Variants in SOS2 observed in about 807,000 individuals in gnomAD.
SOS2 encodes SOS Ras/Rho guanine nucleotide exchange factor 2.
Under a neutral mutation model 148.2 loss-of-function variants are expected in SOS2, and 65 were observed. The observed-to-expected ratio is 0.44, with a 90% CI of 0.36 to 0.54. The LOEUF (loss-of-function observed/expected upper bound fraction) is 0.54, where lower values mean the gene tolerates loss of function less well. Ranked by LOEUF, SOS2 falls within the 20% of genes least tolerant of loss-of-function variation. The pLI is 0.00. For synonymous variants in SOS2, 539 were observed against 537.1 expected (o/e 1.00, Z -0.05); for missense variants, 1,341 against 1,590.2 (o/e 0.84, Z 2.67).
chr14:50,198,798 T>C (rs1886392867), intron 4 of SOS2, among the ~76,000 whole-genome samples: 1 of 152,250 alleles, frequency 6.6e-6, no homozygotes, highest in Non-Finnish European at 1.5e-5. Flanking sequence ...TGTAATTATC[T>C]GTTTATAATA....
At chr14:50,201,123 A>C (rs1676894640) in intron 2 of SOS2, 39 bp from the exon 3 acceptor site, 2 of 1,592,058 alleles carry the variant, frequency 1.3e-6, no homozygotes, top group Admixed American at 3.5e-5. Context: ...TATTAATAAA[A>C]GTGTTCATAA....
intron 1 of SOS2, among the ~76,000 whole-genome samples, chr14:50,223,481 TG>T (rs1887259615): frequency 6.6e-6 from 1 of 152,076 alleles, no homozygotes; most frequent in Non-Finnish European, 1.5e-5. Flanking sequence ...GAGACCATCC[TG>T]GCCAACATGG....
Position 50,132,992 on chromosome 14 carries a change from A to T in SOS2, c.3075+1131T>A, listed in dbSNP as rs193046233. On this transcript the variant is annotated intron_variant, in intron 19 of 22. Coordinates refer to ENST00000216373, the MANE Select transcript of SOS2 (RefSeq NM_006939.4). ...TTTTTTGTTTCCTAATTATAAAAAA[A>T]AAAATTAAAGGGCAACCATTTTTCT... 3.1e-3 allele frequency among the ~76,000 whole-genome samples: 475 copies of T among 152,172 alleles called. 2 individuals are homozygous for T. The highest frequency in any genetic ancestry group is 0.011 in the African/African-American group (439 of 41,540).
chr14:50,202,164 TG>T (rs1886513215), intron 2 of SOS2, among the ~76,000 whole-genome samples: 1 of 152,200 alleles, frequency 6.6e-6, no homozygotes, highest in African/African-American at 2.4e-5. Flanking sequence ...AGTTTTGCCA[TG>T]TTGCCCAGGC....
chr14:50,194,092 T>C (rs150155013), intron 4 of SOS2, among the ~76,000 whole-genome samples: 54 of 152,254 alleles, frequency 3.5e-4, no homozygotes, highest in East Asian at 3.1e-3. Flanking sequence ...TTGTGACAAA[T>C]AGGGGATCAT....
At chr14:50,209,313 G>A (rs1010232479) in intron 1 of SOS2, among the ~76,000 whole-genome samples, 1 of 136,290 alleles carries the variant, frequency 7.3e-6, no homozygotes, top group African/African-American at 2.9e-5. Flanking sequence ...GTGTGTGTGT[G>A]TGTGTGTGTC....
chr14:50,189,986 T>C (rs892265019), intron 4 of SOS2, among the ~76,000 whole-genome samples: 3 of 151,868 alleles, frequency 2.0e-5, no homozygotes, highest in Admixed American at 1.3e-4. Context: ...GTAGCTGGGA[T>C]TACAGGTGCA....
intron 21 of SOS2, among the ~76,000 whole-genome samples, chr14:50,126,608 A>G (rs1480675872): frequency 2.0e-5 from 3 of 152,212 alleles, no homozygotes; most frequent in Non-Finnish European, 2.9e-5. Flanking sequence ...GTAACTGAAA[A>G]GAATTCTTAG....
intron 18 of SOS2, among the ~76,000 whole-genome samples, chr14:50,135,030 A>G (rs1478497948): frequency 6.3e-5 from 9 of 143,330 alleles, no homozygotes; most frequent in Non-Finnish European, 1.3e-4. Context: ...CCGAGATCAC[A>G]CCATTGCACT....
chr14:50,169,612 C>G (rs1238351545), intron 8 of SOS2, among the ~76,000 whole-genome samples: 2 of 152,120 alleles, frequency 1.3e-5, no homozygotes, highest in Non-Finnish European at 2.9e-5. Flanking sequence ...TGCACTCCAG[C>G]CTGGGTGACA....
chr14:50,138,245 C>T (rs1028579914), intron 18 of SOS2, among the ~76,000 whole-genome samples: 3 of 152,100 alleles, frequency 2.0e-5, no homozygotes, highest in Non-Finnish European at 4.4e-5. Context: ...CAACCTACCC[C>T]TCCTAGGCTC....
intron 1 of SOS2, among the ~76,000 whole-genome samples, chr14:50,208,038 A>G (rs1886725866): frequency 6.6e-6 from 1 of 152,174 alleles, no homozygotes; most frequent in South Asian, 2.1e-4. Context: ...GCTCACACCT[A>G]TAATCCCAGC....
intron 21 of SOS2, among the ~76,000 whole-genome samples, chr14:50,121,127 T>C (rs529536931): frequency 1.3e-5 from 2 of 152,308 alleles, no homozygotes; most frequent in African/African-American, 2.4e-5. Flanking sequence ...GGTAGTGTTA[T>C]ATCACATAAC....
In SOS2 at chr14:50,215,132, G is replaced by A. The variant is rs148224250; in HGVS notation, c.88-10723C>T. ...ATTACAGGCGTGAGCCACCGCGCCC[G>A]GCAAGGTTGTTTCTTATAACATCTT... On this transcript the variant is annotated intron_variant, in intron 1 of 22. Coordinates refer to ENST00000216373, the MANE Select transcript of SOS2 (RefSeq NM_006939.4). Among the ~76,000 whole-genome samples, 63 of 152,000 alleles carry A rather than the reference G, an allele frequency of 4.1e-4. 1 individual carries two copies. The East Asian group carries it at 8.7e-3, about 21-fold the overall frequency.
At chr14:50,171,198 G>A (rs1476541849) in intron 8 of SOS2, among the ~76,000 whole-genome samples, 1 of 152,070 alleles carries the variant, frequency 6.6e-6, no homozygotes, top group East Asian at 1.9e-4. Flanking sequence ...CTGTTGGTAG[G>A]AATGTACAAT....
At chr14:50,193,821 T>C (rs563731567) in intron 4 of SOS2, among the ~76,000 whole-genome samples, 4 of 152,064 alleles carry the variant, frequency 2.6e-5, no homozygotes, top group East Asian at 3.9e-4. Context: ...CTCGGCTCAC[T>C]GCAACCTCCG....
chr14:50,148,276 G>A (rs1247747181), intron 14 of SOS2, among the ~76,000 whole-genome samples: 4 of 151,942 alleles, frequency 2.6e-5, no homozygotes, highest in Non-Finnish European at 5.9e-5. Flanking sequence ...CGGGCATGGT[G>A]GCACACACCT....
At chr14:50,153,895 G>T (rs1015079947) in intron 12 of SOS2, among the ~76,000 whole-genome samples, 1 of 152,216 alleles carries the variant, frequency 6.6e-6, no homozygotes, top group African/African-American at 2.4e-5. Flanking sequence ...TTATAGGCGT[G>T]AGCCACTGCA....
At chr14:50,207,490 G>A (rs1886700166) in intron 1 of SOS2, among the ~76,000 whole-genome samples, 1 of 151,502 alleles carries the variant, frequency 6.6e-6, no homozygotes, top group Non-Finnish European at 1.5e-5. Flanking sequence ...CAGCCTGGGG[G>A]AATGAGCAAG....
Sources: gnomAD v4.1 joint callset for allele counts (sites outside exome capture counted in the v4.1 genomes callset) on GRCh38, gnomAD v4.1.1 for gene constraint, MANE v1.5 for transcripts, NCBI Gene and HGNC (gene_info 2026-07-23, HGNC 2026-07-21) for gene names.